LRRC39: variants seen among roughly 807,000 people sequenced by gnomAD.
The protein encoded by LRRC39 is leucine rich repeat containing 39.
LRRC39 carries 35 observed loss-of-function variants against 39.7 expected under a neutral mutation model. The ratio of observed to expected loss-of-function variants is 0.88; its 90% CI spans 0.67 to 1.17. The LOEUF is 1.17. Among genes scored for constraint, LRRC39 ranks in the 50% most tolerant of loss-of-function variants. The probability of loss-of-function intolerance (pLI) is 0.00; values close to 1 mark genes in which losing one functional copy is unlikely to be tolerated. For synonymous variants in LRRC39, 113 were observed against 134.1 expected (o/e 0.84, Z 1.09); for missense variants, 357 against 385.8 (o/e 0.93, Z 0.62).
Position 100,148,567 on chromosome 1 carries a change from T to A in LRRC39, c.*475A>T. The stretch of plus-strand genomic sequence containing the variant: ...TCTCAATAAATAGTGACAAAAATAA[T>A]TTTTTATAAACTTTTGCAAAATTTT... On this transcript the variant is annotated 3_prime_UTR_variant, in exon 10 of 10. Coordinates refer to ENST00000370137, the MANE Select transcript of LRRC39 (RefSeq NM_144620.4). The A allele has an allele frequency of 6.8e-7, 1 of 1,473,412 alleles. No homozygotes were observed. The allele number at this position is 1,473,412 out of a possible 1,614,324, so 91.3% of individuals were successfully genotyped here.
At chr1:100,154,469 C>A (rs1176028807) in intron 8 of LRRC39, among the ~76,000 whole-genome samples, 2 of 152,000 alleles carry the variant, frequency 1.3e-5, no homozygotes, top group African/African-American at 4.8e-5. Flanking sequence ...TAGCATGAAA[C>A]ATAATAAAGA....
chr1:100,159,185 T>G, intron 5 of LRRC39, 74 bp downstream of exon 5: 1 of 1,353,596 alleles, frequency 7.4e-7, no homozygotes, highest in Non-Finnish European at 9.9e-7. Flanking sequence ...ATTCCATGTA[T>G]CCAAAAAAAT....
At chr1:100,149,406 T>G in intron 9 of LRRC39, 1 of 1,545,682 alleles carries the variant, frequency 6.5e-7, no homozygotes, top group Non-Finnish European at 8.7e-7. Flanking sequence ...ATTGTCAGAA[T>G]CTGTCCATGA....
chr1:100,173,796 T>C (rs1475182260), intron 1 of LRRC39, among the ~76,000 whole-genome samples: 1 of 152,196 alleles, frequency 6.6e-6, no homozygotes, highest in Non-Finnish European at 1.5e-5. Context: ...CAATTATGTG[T>C]CTATATTCCA....
rs1445883207 is a variant in LRRC39 at position 100,158,375 on chromosome 1, AAAT to A, written c.377-11_377-9del. ...GAAGTCTAGTAAGCAGTCCTATAAAAAATAATATACAATAGAGAGGAGTTGGAT... is the reference window on the plus strand; with the variant it reads ...GAAGTCTAGTAAGCAGTCCTATAAAAAATATACAATAGAGAGGAGTTGGAT... On this transcript the variant is annotated splice_polypyrimidine_tract_variant and intron_variant, in intron 5 of 9. Coordinates refer to ENST00000370137, the MANE Select transcript of LRRC39 (RefSeq NM_144620.4). 1 of 1,608,144 alleles carries A rather than the reference AAAT, an allele frequency of 6.2e-7. No individual in the cohort carries two copies. The highest frequency in any genetic ancestry group is 1.3e-5 in the African/African-American group (1 of 74,884).
chr1:100,176,471 A>G (rs751844845), intron 1 of LRRC39, among the ~76,000 whole-genome samples: 2 of 152,204 alleles, frequency 1.3e-5, no homozygotes, highest in Non-Finnish European at 2.9e-5. Context: ...CATCCATTGA[A>G]TTATAAAAAT....
At chr1:100,178,444 TC>T (rs1347744687), upstream of LRRC39, among the ~76,000 whole-genome samples, 1 of 152,154 alleles carries the variant, frequency 6.6e-6, no homozygotes, top group Non-Finnish European at 1.5e-5. Flanking sequence ...CTATTCAAAG[TC>T]CTTCTACTTT....
intron 2 of LRRC39, among the ~76,000 whole-genome samples, chr1:100,170,883 T>C (rs1239628619): frequency 6.6e-6 from 1 of 152,148 alleles, no homozygotes; most frequent in Non-Finnish European, 1.5e-5. Context: ...GGCTAATCAA[T>C]TAAATTTTTT....
Position 100,149,211 on chromosome 1 carries a change from G to C in LRRC39, c.953-114C>G, listed in dbSNP as rs72971902. ...TATTTTTTATTTCTTAAGTTCAAGA[G>C]GTAGTGATTGATTGTAACAAGGGCC... On this transcript the variant is annotated intron_variant, in intron 9 of 9. Transcript: ENST00000370137. The C allele has an allele frequency of 3.8e-5, 57 of 1,491,710 alleles. No individual in the cohort carries two copies. The African/African-American group carries it at 8.1e-4, about 21-fold the overall frequency. 92.4% of individuals were successfully genotyped at this position (1,491,710 alleles called of 1,614,324 possible).
chr1:100,167,800 A>G (rs966830902), intron 3 of LRRC39, among the ~76,000 whole-genome samples: 1 of 144,988 alleles, frequency 6.9e-6, no homozygotes, highest in Non-Finnish European at 1.5e-5. Context: ...TAATAATAAT[A>G]ATAATAATAA....
At chr1:100,169,798 G>A (rs997917514) in intron 2 of LRRC39, among the ~76,000 whole-genome samples, 4 of 151,960 alleles carry the variant, frequency 2.6e-5, no homozygotes, top group African/African-American at 9.7e-5. Flanking sequence ...TATTTCTACT[G>A]GGTACATATC....
chr1:100,163,061 G>T (rs1013113212), intron 3 of LRRC39, among the ~76,000 whole-genome samples: 5 of 152,176 alleles, frequency 3.3e-5, no homozygotes, highest in African/African-American at 1.2e-4. Context: ...GTGCCCTGTG[G>T]CAGTGGGATA....
chr1:100,168,608 A>G lies in LRRC39; in HGVS notation c.-78-14T>C, dbSNP rs1317072854. On this transcript the variant is annotated splice_polypyrimidine_tract_variant and intron_variant, in intron 2 of 9. Coordinates refer to ENST00000370137, the MANE Select transcript of LRRC39 (RefSeq NM_144620.4). ...TTCAGAAAGGACCTAAATGTACCAGAGAAAAAAAGCAATGTTTCAGACTGT... is the reference window on the plus strand; with the variant it reads ...TTCAGAAAGGACCTAAATGTACCAGGGAAAAAAAGCAATGTTTCAGACTGT... The G allele has an allele frequency of 1.1e-6, 1 of 912,646 alleles. No individual in the cohort carries two copies. Among genetic ancestry groups the G allele is most frequent in the Non-Finnish European group, 1.7e-6 (1 of 581,790 alleles). 56.5% of individuals were successfully genotyped at this position (912,646 alleles called of 1,614,324 possible). A position where few individuals can be genotyped will look rare whatever the true frequency, so the allele number is the denominator to read the frequency against.
intron 1 of LRRC39, among the ~76,000 whole-genome samples, chr1:100,175,979 G>C (rs944997832): frequency 2.0e-5 from 3 of 152,128 alleles, no homozygotes; most frequent in Non-Finnish European, 4.4e-5. Context: ...AAATACTTAT[G>C]TACTAATATT....
Position 100,148,866 on chromosome 1 carries a change from T to G in LRRC39, c.*176A>C. 7.9e-7 allele frequency: 1 copy of G among 1,260,566 alleles called. No homozygotes were observed. Among genetic ancestry groups the G allele is most frequent in the African/African-American group, 1.6e-5 (1 of 63,868 alleles). 78.1% of individuals were successfully genotyped at this position (1,260,566 alleles called of 1,614,324 possible). A position where few individuals can be genotyped will look rare whatever the true frequency, so the allele number is the denominator to read the frequency against. On this transcript the variant is annotated 3_prime_UTR_variant, in exon 10 of 10. Coordinates refer to ENST00000370137, the MANE Select transcript of LRRC39 (RefSeq NM_144620.4). The stretch of plus-strand genomic sequence containing the variant: ...CATCTGTCTTCCACCAAAAAAAATT[T>G]TTTAATTATATTTTTATATCAAAAA...
In LRRC39 at chr1:100,152,671, C is replaced by G. The variant is rs1570761666; in HGVS notation, c.813-147G>C. 9 of 761,750 alleles carry G rather than the reference C, an allele frequency of 1.2e-5. No homozygotes were observed. In the East Asian group the frequency reaches 2.5e-4, roughly 21 times the overall value. The allele number at this position is 761,750 out of a possible 1,614,324, so 47.2% of individuals were successfully genotyped here. A position where few individuals can be genotyped will look rare whatever the true frequency, so the allele number is the denominator to read the frequency against. On this transcript the variant is annotated intron_variant, in intron 8 of 9. Coordinates refer to ENST00000370137, the MANE Select transcript of LRRC39 (RefSeq NM_144620.4). The stretch of plus-strand genomic sequence containing the variant: ...AACGACTTGGTGAGATGTGATATAT[C>G]TCAAGAATCTTATGTTTTTTTCCTA...
chr1:100,174,443 G>A (rs1557930659), intron 1 of LRRC39, among the ~76,000 whole-genome samples: 1 of 151,944 alleles, frequency 6.6e-6, no homozygotes, highest in African/African-American at 2.4e-5. Context: ...GACTACAGGT[G>A]CACACCACCA....
At position 100,160,484 on chromosome 1, in the gene LRRC39, T is replaced by G. The variant is rs765793109; in HGVS notation, c.201A>C (p.Ile67=). The part of the protein sequence containing the change: ...TREDGRVILK[I]EKEEWKTLPS... ...AGCTTACCTTCCATTCCTCTTTTTC[T>G]ATCTTCAAAATGACTCTTCCATCTT... The change falls in exon 4 of 10, where the codon ATA becomes ATC. Residue 67 remains isoleucine, a synonymous_variant. Coordinates refer to ENST00000370137, the MANE Select transcript of LRRC39 (RefSeq NM_144620.4). The G allele has an allele frequency of 6.2e-7, 1 of 1,613,396 alleles. No individual in the cohort carries two copies. The highest frequency in any genetic ancestry group is 8.5e-7 in the Non-Finnish European group (1 of 1,179,688).
At chr1:100,164,511 A>G (rs1032942373) in intron 3 of LRRC39, among the ~76,000 whole-genome samples, 1 of 152,168 alleles carries the variant, frequency 6.6e-6, no homozygotes, top group Non-Finnish European at 1.5e-5. Context: ...CAAGTTTGAG[A>G]AACACTGGTC....
Sources: allele counts gnomAD v4.1 joint callset (sites outside exome capture counted in the v4.1 genomes callset), GRCh38; gene constraint gnomAD v4.1.1; transcripts MANE v1.5; gene names NCBI Gene and HGNC (gene_info 2026-07-23, HGNC 2026-07-21).